Variants in MEF2C observed in about 807,000 individuals in gnomAD.
The protein encoded by MEF2C is myocyte enhancer factor 2C.
In MEF2C, 6 loss-of-function variants were observed where a neutral mutation model predicts 50.5. The ratio of observed to expected loss-of-function variants is 0.12; its 90% confidence interval spans 0.07 to 0.23. The LOEUF is 0.23. MEF2C is among the 10% of genes least tolerant of loss of function. MEF2C has a pLI of 1.00. For synonymous variants in MEF2C, 183 were observed against 228.0 expected (o/e 0.80, Z 1.78); for missense variants, 276 against 605.0 (o/e 0.46, Z 5.70).
At chr5:88,891,781 A>G (rs959048251) in intron 1 of MEF2C, among the ~76,000 whole-genome samples, 3 of 152,118 alleles carry the variant, frequency 2.0e-5, no homozygotes, top group African/African-American at 7.2e-5. Flanking sequence ...AAAGATTTAG[A>G]CAAAGCATAA....
At chr5:88,850,281 T>C (rs1007847049) in intron 1 of MEF2C, among the ~76,000 whole-genome samples, 2 of 152,332 alleles carry the variant, frequency 1.3e-5, no homozygotes, top group East Asian at 1.9e-4. Context: ...CACTATTCTA[T>C]TCATTTTACA....
Position 88,721,047 on chromosome 5 carries a change from T to C in MEF2C, c.*1557A>G, listed in dbSNP as rs1756173148. The C allele has an allele frequency of 6.6e-6, 1 of 152,608 alleles. No homozygotes were observed. Among genetic ancestry groups the C allele is most frequent in the African/African-American group, 2.4e-5 (1 of 41,444 alleles). 9.5% of individuals were successfully genotyped at this position (152,608 alleles called of 1,614,324 possible). On this transcript the variant is annotated 3_prime_UTR_variant, in exon 11 of 11. Transcript: ENST00000504921. ...CTTCCTTCTTGTCTAGCACCCAGTCTTTCACATTTTTCTTCTGTGGGAATT... is the reference window on the plus strand; with the variant it reads ...CTTCCTTCTTGTCTAGCACCCAGTCCTTCACATTTTTCTTCTGTGGGAATT...
intron 1 of MEF2C, among the ~76,000 whole-genome samples, chr5:88,847,152 A>C (rs539672026): frequency 2.0e-5 from 3 of 152,350 alleles, no homozygotes; most frequent in Admixed American, 6.5e-5. Context: ...TTTACAGAAG[A>C]AATGTGAGAG....
At chr5:88,811,617 A>G (rs1581086038) in intron 2 of MEF2C, among the ~76,000 whole-genome samples, 1 of 152,134 alleles carries the variant, frequency 6.6e-6, no homozygotes, top group South Asian at 2.1e-4. Flanking sequence ...TAGTTACTCA[A>G]TCCCACCCAT....
At chr5:88,761,780 T>C (rs574419465) in intron 3 of MEF2C, 24 of 165,994 alleles carry the variant, frequency 1.4e-4, no homozygotes, top group African/African-American at 4.3e-4. Flanking sequence ...AAACTAATGG[T>C]TGGCATTAGT....
chr5:88,810,835 GGGTGCTTGAGCAAACCCA>G (rs1258176245), intron 2 of MEF2C, among the ~76,000 whole-genome samples: 1 of 152,054 alleles, frequency 6.6e-6, no homozygotes, highest in Non-Finnish European at 1.5e-5. Flanking sequence ...ACGTAAATCT[GGGTGCTTGAGCAAACCCA>G]GTAGGTGATA....
intron 1 of MEF2C, among the ~76,000 whole-genome samples, chr5:88,902,391 A>G (rs1412711989): frequency 6.6e-6 from 1 of 151,898 alleles, no homozygotes; most frequent in Non-Finnish European, 1.5e-5. Flanking sequence ...TATAATAAAA[A>G]GTATATTTGG....
At chr5:88,802,180 T>C (rs901071414) in intron 3 of MEF2C, among the ~76,000 whole-genome samples, 1 of 152,268 alleles carries the variant, frequency 6.6e-6, no homozygotes, top group African/African-American at 2.4e-5. Flanking sequence ...TCTTTACTCC[T>C]GTTTTACAAG....
At chr5:88,869,278 CATATATATATATATAT>C (rs57717988) in intron 1 of MEF2C, among the ~76,000 whole-genome samples, 1 of 48,602 alleles carries the variant, frequency 2.1e-5, no homozygotes, top group African/African-American at 7.3e-5. Context: ...TATATATATA[CATATATATATATATAT>C]ACACATATAT....
At chr5:88,880,256 G>C in intron 1 of MEF2C, among the ~76,000 whole-genome samples, 1 of 151,388 alleles carries the variant, frequency 6.6e-6, no homozygotes, top group Non-Finnish European at 1.5e-5. Context: ...ATGTGCTTTT[G>C]AAAAAAAAGT....
At chr5:88,780,421 G>A (rs1787361564) in intron 3 of MEF2C, among the ~76,000 whole-genome samples, 1 of 152,126 alleles carries the variant, frequency 6.6e-6, no homozygotes. Context: ...TCTTCAGAGT[G>A]TGAAAAAGGT....
At chr5:88,737,354 A>G (rs1377715983) in intron 6 of MEF2C, 1 of 985,286 alleles carries the variant, frequency 1.0e-6, no homozygotes, top group East Asian at 1.1e-4. Flanking sequence ...AGAGTTAATT[A>G]AAGCGTCTTT....
chr5:88,747,716 T>C (rs1434028366), intron 6 of MEF2C, among the ~76,000 whole-genome samples: 1 of 152,114 alleles, frequency 6.6e-6, no homozygotes, highest in East Asian at 1.9e-4. Flanking sequence ...AGCAAATCGG[T>C]GCAGTGAGAT....
intron 1 of MEF2C, among the ~76,000 whole-genome samples, chr5:88,890,245 T>TA (rs1476728390): frequency 2.3e-4 from 35 of 152,344 alleles, no homozygotes; most frequent in African/African-American, 6.5e-4. Context: ...ACACACACTT[T>TA]AAAGACAAAA....
intron 3 of MEF2C, among the ~76,000 whole-genome samples, chr5:88,778,894 T>C (rs557115209): frequency 6.6e-6 from 1 of 152,314 alleles, no homozygotes; most frequent in East Asian, 1.9e-4. Context: ...GGTAGAAGCC[T>C]GGGGTAGGGC....
At chr5:88,761,365 A>G (rs950238774) in intron 3 of MEF2C, 37 bp from the exon 4 acceptor site, 3 of 1,591,084 alleles carry the variant, frequency 1.9e-6, no homozygotes, top group Non-Finnish European at 1.7e-6. Flanking sequence ...AACCTAGACA[A>G]AGGCTGTAAG....
intron 3 of MEF2C, chr5:88,766,798 T>G: frequency 1.0e-6 from 1 of 985,420 alleles, no homozygotes; most frequent in Non-Finnish European, 1.2e-6. Context: ...GAATTATTAC[T>G]ATTAGTTGCA....
At chr5:88,814,476 T>C (rs1003761024) in intron 2 of MEF2C, among the ~76,000 whole-genome samples, 1 of 152,016 alleles carries the variant, frequency 6.6e-6, no homozygotes, top group African/African-American at 2.4e-5. Flanking sequence ...GACAGCAGTG[T>C]GTTCTGCCGC....
chr5:88,755,990 T>A (rs1193503381), intron 4 of MEF2C, among the ~76,000 whole-genome samples: 4 of 152,168 alleles, frequency 2.6e-5, no homozygotes, highest in African/African-American at 7.2e-5. Context: ...CAGAAACAAC[T>A]GGATGATAAT....
Sources: gnomAD v4.1 joint callset for allele counts (sites outside exome capture counted in the v4.1 genomes callset) on GRCh38, gnomAD v4.1.1 for gene constraint, MANE v1.5 for transcripts, NCBI Gene and HGNC (gene_info 2026-07-23, HGNC 2026-07-21) for gene names.